The following BEST1 variants were observed in gnomAD, a reference collection of about 807,000 sequenced individuals.
BEST1 encodes the protein bestrophin-1.
Under a neutral mutation model 63.3 loss-of-function variants are expected in BEST1, and 58 were observed. The ratio of observed to expected loss-of-function variants is 0.92; its 90% CI spans 0.74 to 1.14. The LOEUF is 1.14. Ranked by LOEUF, BEST1 falls within the 50% of genes most tolerant of loss-of-function variation. The pLI is 0.00. For missense variants in BEST1, 671 were observed against 740.1 expected, an observed-to-expected ratio of 0.91 and a Z score of 1.08; for synonymous variants, 283 against 291.6, an observed-to-expected ratio of 0.97 and a Z score of 0.30.
Position 61,962,595 on chromosome 11 carries a change from C to T in BEST1, c.1441C>T (p.Leu481=). 2 of 1,614,194 alleles carry T rather than the reference C, an allele frequency of 1.2e-6. No homozygotes were observed. The highest frequency in any genetic ancestry group is 2.2e-5 in the East Asian group (1 of 44,880). The change falls in exon 10 of 11, where the codon CTA becomes TTA. Residue 481 remains leucine, a synonymous_variant. Coordinates refer to ENST00000378043, the MANE Select transcript of BEST1 (RefSeq NM_004183.4). The part of the protein sequence containing the change: ...PLSPTPMFFP[L]EPSAPSKLHS... ...CAGCCCCACTCCCATGTTCTTCCCC[C>T]TAGAACCATCAGCGCCGTCAAAGCT... is the stretch of plus-strand genomic sequence containing the variant.
Position 61,957,796 on chromosome 11 carries a change from G to A in BEST1, c.714+332G>A, listed in dbSNP as rs569543913. Among the ~76,000 whole-genome samples the A allele has an allele frequency of 1.3e-4, 20 of 152,270 alleles. No individual in the cohort carries two copies. In the South Asian group the frequency reaches 3.9e-3, roughly 30 times the overall value. ...GTTCGAGACCAGCCTGGCCAACATG[G>A]TGAAACCCCATCTCTACTGAAAATA... On this transcript the variant is annotated intron_variant, in intron 6 of 10. Transcript: ENST00000378043.
intron 2 of BEST1, among the ~76,000 whole-genome samples, chr11:61,952,192 T>C (rs1460347917): frequency 2.6e-5 from 4 of 152,134 alleles, no homozygotes; most frequent in African/African-American, 9.7e-5. Context: ...TTAGCCACCC[T>C]TCCTCCAACC....
At chr11:61,964,018 AC>A in intron 10 of BEST1, 85 bp from the exon 11 acceptor site, 2 of 1,594,328 alleles carry the variant, frequency 1.3e-6, no homozygotes, top group Non-Finnish European at 1.7e-6. Context: ...GATCGTCTCA[AC>A]CTTTGCCCTC....
At chr11:61,963,990 C>CAAA (rs34046408) in intron 10 of BEST1, 114 bp from the exon 11 acceptor site, 40 of 1,405,364 alleles carry the variant, frequency 2.8e-5, no homozygotes, top group Middle Eastern at 2.5e-4. Flanking sequence ...GAGACTGTCT[C>CAAA]AAAAAAAAAA....
intron 2 of BEST1, 45 bp downstream of exon 2, chr11:61,952,003 C>T: frequency 6.2e-7 from 1 of 1,606,486 alleles, no homozygotes; most frequent in Non-Finnish European, 8.5e-7. Flanking sequence ...AAGGATGTGG[C>T]TGGGGCTGGG....
At position 61,956,878 on chromosome 11, in the gene BEST1, G is replaced by C; in HGVS notation, c.516G>C (p.Glu172Asp). The C allele has an allele frequency of 6.2e-7, 1 of 1,614,164 alleles. No homozygotes were observed. The highest frequency in any genetic ancestry group is 8.5e-7 in the Non-Finnish European group (1 of 1,180,038). ...FMTPAEHKQLEKLSLPHNMFW... is the reference protein window; with the variant it reads ...FMTPAEHKQLDKLSLPHNMFW... ...CTCCGGCAGAACACAAGCAGTTGGA[G>C]AAACTGAGCCTACCACACAACATGT... Residue 172 changes from glutamate to aspartate, a missense_variant, in exon 5 of 11, where the codon GAG becomes GAC. By Grantham distance (45) the Glu-to-Asp change is conservative. Transcript: ENST00000378043.
chr11:61,954,096 G>A (rs1380400737), intron 2 of BEST1, among the ~76,000 whole-genome samples: 4 of 152,112 alleles, frequency 2.6e-5, no homozygotes, highest in Non-Finnish European at 5.9e-5. Flanking sequence ...TTGGTCTTTG[G>A]TTTTTACTTG....
At chr11:61,963,107 G>A (rs1436826433) in intron 10 of BEST1, 1 of 1,463,300 alleles carries the variant, frequency 6.8e-7, no homozygotes, top group Admixed American at 2.7e-5. Flanking sequence ...CTTCACCCTG[G>A]TATCACCCGG....
chr11:61,956,124 G>A (rs1425923557), intron 4 of BEST1, among the ~76,000 whole-genome samples, 173 bp downstream of exon 4: 1 of 152,178 alleles, frequency 6.6e-6, no homozygotes, highest in Non-Finnish European at 1.5e-5. Flanking sequence ...ACAGAGTCGG[G>A]TGTCTGAAGG....
chr11:61,959,050 G>T, intron 7 of BEST1: 1 of 277,326 alleles, frequency 3.6e-6, no homozygotes, highest in Non-Finnish European at 7.1e-6. Flanking sequence ...ATGTCCCCTG[G>T]ACCCCTAAGG....
At position 61,951,924 on chromosome 11, in the gene BEST1, C is replaced by G. The variant is rs1940710030; in HGVS notation, c.118C>G (p.Leu40Val). ...GCTATATGGCGAGTTCTTAATCTTC[C>G]TGCTCTGCTACTACATCATCCGCTT... ...KLLYGEFLIFLLCYYIIRFIY... is the reference protein window; with the variant it reads ...KLLYGEFLIFVLCYYIIRFIY... The change falls in exon 2 of 11, where the codon CTG (leucine) becomes GTG (valine). Residue 40 changes from leucine (L) to valine (V), a missense_variant. Transcript: ENST00000378043. 1 of 1,613,734 alleles carries G rather than the reference C, an allele frequency of 6.2e-7. No homozygotes were observed. Among genetic ancestry groups the G allele is most frequent in the Non-Finnish European group, 8.5e-7 (1 of 1,179,970 alleles).
intron 2 of BEST1, among the ~76,000 whole-genome samples, chr11:61,953,562 T>C (rs892421965): frequency 6.6e-6 from 1 of 152,022 alleles, no homozygotes; most frequent in Non-Finnish European, 1.5e-5. Flanking sequence ...ATACAAAAAT[T>C]AGCCGAGTGG....
At position 61,955,208 on chromosome 11, in the gene BEST1, TC is replaced by T. The variant is rs777306046; in HGVS notation, c.247+12del. The T allele has an allele frequency of 1.9e-6, 3 of 1,610,614 alleles. No homozygotes were observed. In the African/African-American group the frequency reaches 4.0e-5, roughly 22 times the overall value. ...CCCATTTCCTTCGTGCTGGGTGAGT[TC>T]CCCCTTCTGGCTGTTCCGGGTCCCT... On this transcript the variant is annotated splice_region_variant and intron_variant, in intron 3 of 10. Transcript: ENST00000378043.
intron 7 of BEST1, 60 bp from the exon 8 acceptor site, chr11:61,959,438 G>T (rs998765659): frequency 6.5e-7 from 1 of 1,536,144 alleles, no homozygotes; most frequent in Admixed American, 1.7e-5. Context: ...AGGTTTAAAG[G>T]GGGAAGCTGG....
Position 61,962,378 on chromosome 11 carries a change from A to T in BEST1, c.1224A>T (p.Ser408=). Residue 408 remains serine, a synonymous_variant, in exon 10 of 11, where the codon TCA becomes TCT. Transcript: ENST00000378043. ...ATCACCATCCTCCCAGGGCAAACTC[A>T]AGGACCAAACTACTGTGGCCCAAGA... ...SHDHHPPRAN[S]RTKLLWPKRE... 6.2e-7 allele frequency: 1 copy of T among 1,613,924 alleles called. No homozygotes were observed. The highest frequency in any genetic ancestry group is 1.3e-5 in the African/African-American group (1 of 75,034).
intron 10 of BEST1, chr11:61,963,520 C>T: frequency 9.6e-7 from 1 of 1,039,470 alleles, no homozygotes; most frequent in Non-Finnish European, 1.2e-6. Flanking sequence ...TTCCAGATTT[C>T]CTGGACACTT....
chr11:61,951,986 G>C (rs200543078), intron 2 of BEST1, 28 bp downstream of exon 2: 270 of 1,611,488 alleles, frequency 1.7e-4, no homozygotes, highest in Admixed American at 3.2e-4. Flanking sequence ...GGGCCGGGGG[G>C]CCTGGGAAGG....
chr11:61,958,561 A>C, intron 7 of BEST1: 1 of 846,174 alleles, frequency 1.2e-6, no homozygotes, highest in Non-Finnish European at 1.9e-6. Context: ...CTCTATCTCA[A>C]AAACAACAAC....
At chr11:61,963,696 G>T in intron 10 of BEST1, 1 of 1,086,418 alleles carries the variant, frequency 9.2e-7, no homozygotes, top group Non-Finnish European at 1.1e-6. Flanking sequence ...GGCTAGACAG[G>T]AACTTGGCAA....
Sources: allele counts gnomAD v4.1 joint callset (sites outside exome capture counted in the v4.1 genomes callset), GRCh38; gene constraint gnomAD v4.1.1; transcripts MANE v1.5; gene names NCBI Gene and HGNC (gene_info 2026-07-23, HGNC 2026-07-21).